The following CDH13 variants were observed in gnomAD, a reference collection of about 807,000 sequenced individuals.
The protein encoded by CDH13 is cadherin-13.
Under a neutral mutation model 63.8 loss-of-function variants are expected in CDH13, and 24 were observed. The observed-to-expected ratio is 0.38, with a 90% CI of 0.27 to 0.53. CDH13 has a LOEUF of 0.53. CDH13 is among the 20% of genes least tolerant of loss of function. CDH13 has a pLI of 0.85. For synonymous variants in CDH13, 503 were observed against 355.3 expected (o/e 1.42, Z -4.67); for missense variants, 1,049 against 903.1 (o/e 1.16, Z -2.07).
intron 1 of CDH13, among the ~76,000 whole-genome samples, chr16:82,641,069 T>C (rs1402804405): frequency 2.6e-5 from 4 of 152,152 alleles, no homozygotes; most frequent in Non-Finnish European, 5.9e-5. Flanking sequence ...ACAGTGAATG[T>C]GTCATTGAGG....
chr16:83,355,715 C>A (rs1038422771), intron 6 of CDH13, among the ~76,000 whole-genome samples: 1 of 152,102 alleles, frequency 6.6e-6, no homozygotes, highest in Non-Finnish European at 1.5e-5. Context: ...TGGATGCTGA[C>A]TCTGTAGAGC....
chr16:83,214,608 A>G (rs1315239968), intron 4 of CDH13, among the ~76,000 whole-genome samples: 4 of 147,434 alleles, frequency 2.7e-5, no homozygotes, highest in African/African-American at 9.8e-5. Flanking sequence ...AAAAAGAGGA[A>G]ACCACCTATT....
intron 3 of CDH13, among the ~76,000 whole-genome samples, chr16:83,063,514 C>T (rs757921748): frequency 1.5e-4 from 23 of 152,106 alleles, no homozygotes; most frequent in Non-Finnish European, 3.4e-4. Flanking sequence ...ATAAACCCAG[C>T]CTAAGGTTAT....
At chr16:82,830,128 G>A (rs2038462933) in intron 1 of CDH13, among the ~76,000 whole-genome samples, 1 of 152,128 alleles carries the variant, frequency 6.6e-6, no homozygotes, top group African/African-American at 2.4e-5. Flanking sequence ...GTTTTTGAAA[G>A]CTGAATGGTG....
chr16:83,168,204 A>G (rs888463594), intron 4 of CDH13, among the ~76,000 whole-genome samples: 1 of 152,104 alleles, frequency 6.6e-6, no homozygotes, highest in African/African-American at 2.4e-5. Flanking sequence ...GAAAGTTGAA[A>G]TTATAAAATA....
chr16:83,484,637 A>C (rs1398611496), intron 6 of CDH13, among the ~76,000 whole-genome samples: 1 of 152,246 alleles, frequency 6.6e-6, no homozygotes, highest in African/African-American at 2.4e-5. Flanking sequence ...ATCTTTCCCG[A>C]TGACCATGCC....
At chr16:83,479,074 G>A (rs1460269160) in intron 6 of CDH13, among the ~76,000 whole-genome samples, 5 of 152,216 alleles carry the variant, frequency 3.3e-5, no homozygotes, top group Non-Finnish European at 7.3e-5. Context: ...TCATTCGACA[G>A]TTTCCCTATC....
chr16:82,994,655 G>T (rs1254285439), intron 2 of CDH13, among the ~76,000 whole-genome samples: 1 of 152,154 alleles, frequency 6.6e-6, no homozygotes, highest in African/African-American at 2.4e-5. Context: ...TTCTTTGTAA[G>T]GAAGAAAAAC....
At chr16:82,934,666 A>T (rs1407994737) in intron 2 of CDH13, among the ~76,000 whole-genome samples, 1 of 152,160 alleles carries the variant, frequency 6.6e-6, no homozygotes, top group African/African-American at 2.4e-5. Context: ...GCTGCTTAGA[A>T]ATTTCTTCCA....
chr16:82,893,656 G>C (rs376752369), intron 2 of CDH13, among the ~76,000 whole-genome samples: 27 of 152,162 alleles, frequency 1.8e-4, no homozygotes, highest in Non-Finnish European at 2.6e-4. Flanking sequence ...GCCTCTGAGC[G>C]AAAGCTCAGG....
At chr16:82,858,988 C>G (rs2039818673) in intron 2 of CDH13, 2 of 154,818 alleles carry the variant, frequency 1.3e-5, no homozygotes, top group Non-Finnish European at 1.4e-5. Context: ...ACTGATTATT[C>G]TATGGATTAA....
intron 6 of CDH13, among the ~76,000 whole-genome samples, chr16:83,412,152 C>A (rs1465575810): frequency 6.6e-6 from 1 of 152,192 alleles, no homozygotes; most frequent in Non-Finnish European, 1.5e-5. Context: ...CATGTACTTC[C>A]TTTTCACATT....
intron 1 of CDH13, among the ~76,000 whole-genome samples, chr16:82,808,009 C>T (rs1444867479): frequency 6.6e-6 from 1 of 152,122 alleles, no homozygotes; most frequent in Non-Finnish European, 1.5e-5. Flanking sequence ...ATTTCTCCAG[C>T]GCAGTTCTTA....
At chr16:83,728,069 G>A (rs575854054) in intron 10 of CDH13, among the ~76,000 whole-genome samples, 1 of 152,206 alleles carries the variant, frequency 6.6e-6, no homozygotes, top group African/African-American at 2.4e-5. Flanking sequence ...TGAGGAGTCT[G>A]TTATGCGGCA....
intron 8 of CDH13, among the ~76,000 whole-genome samples, chr16:83,647,943 C>T (rs111335331): frequency 1.7e-4 from 26 of 152,296 alleles, no homozygotes; most frequent in African/African-American, 6.3e-4. Flanking sequence ...AGATGCATTA[C>T]AAACCTGATC....
intron 6 of CDH13, among the ~76,000 whole-genome samples, chr16:83,358,620 A>G (rs746839803): frequency 2.0e-5 from 3 of 152,216 alleles, no homozygotes; most frequent in African/African-American, 4.8e-5. Context: ...ATTAGAGCCC[A>G]GACTATATGA....
intron 4 of CDH13, among the ~76,000 whole-genome samples, chr16:83,213,409 C>A (rs150287836): frequency 6.6e-6 from 1 of 152,116 alleles, no homozygotes; most frequent in Admixed American, 6.5e-5. Flanking sequence ...GAGGCCCATT[C>A]CCCCACCCCC....
chr16:82,683,239 T>A (rs1400175448), intron 1 of CDH13, among the ~76,000 whole-genome samples: 1 of 152,218 alleles, frequency 6.6e-6, no homozygotes, highest in Non-Finnish European at 1.5e-5. Context: ...GTTACCTGTT[T>A]GCCCCTTTCT....
At chr16:82,638,414 T>G (rs973066815) in intron 1 of CDH13, among the ~76,000 whole-genome samples, 4 of 152,226 alleles carry the variant, frequency 2.6e-5, no homozygotes, top group Non-Finnish European at 1.5e-5. Flanking sequence ...TGTTTTCCCC[T>G]GTATTAAAAC....
Sources: gnomAD v4.1 joint callset for allele counts (sites outside exome capture counted in the v4.1 genomes callset) on GRCh38, gnomAD v4.1.1 for gene constraint, MANE v1.5 for transcripts, NCBI Gene and HGNC (gene_info 2026-07-23, HGNC 2026-07-21) for gene names.